The following ABR variants were observed in gnomAD, a reference collection of about 807,000 sequenced individuals.
ABR encodes active breakpoint cluster region-related protein.
A neutral mutation model predicts 107.2 loss-of-function variants in ABR; 35 were observed. That is an observed-to-expected ratio of 0.33 (90% confidence interval 0.25 to 0.43). The LOEUF is 0.43. ABR is among the 20% of genes least tolerant of loss of function. The probability of loss-of-function intolerance (pLI) is 1.00; values close to 1 mark genes in which losing one functional copy is unlikely to be tolerated. For missense variants in ABR, 815 were observed against 1,115.2 expected, an observed-to-expected ratio of 0.73 and a Z score of 3.83; for synonymous variants, 498 against 462.0, an observed-to-expected ratio of 1.08 and a Z score of -1.00.
At chr17:1,022,457 G>T (rs922541342) in intron 16 of ABR, 2 of 153,536 alleles carry the variant, frequency 1.3e-5, no homozygotes, top group Middle Eastern at 9.7e-4. Context: ...GGCAACGGGG[G>T]AGACGGGAGT....
At chr17:1,169,223 G>A (rs1309829248) in intron 1 of ABR, among the ~76,000 whole-genome samples, 1 of 152,210 alleles carries the variant, frequency 6.6e-6, no homozygotes, top group African/African-American at 2.4e-5. Flanking sequence ...AGAAGACCTG[G>A]TGCGTCCCCC....
rs980285723 is a variant in ABR, at chr17:1,084,125, G to A, written c.532-498C>T. 7.9e-5 allele frequency among the ~76,000 whole-genome samples: 12 copies of A among 152,192 alleles called. No individual in the cohort carries two copies. The highest frequency in any genetic ancestry group is 1.3e-4 in the Non-Finnish European group (9 of 68,020). On this transcript the variant is annotated intron_variant, in intron 4 of 22. Coordinates refer to ENST00000302538, the MANE Select transcript of ABR (RefSeq NM_021962.5). The surrounding 1 kb of genome is among the most constrained non-coding windows in gnomAD (Gnocchi z 4.2). ...AGGTGCTGTCTTGGCCGGGCGTGGC[G>A]GCTCACGCCTGTAACCCCAGCACTT...
At chr17:1,049,987 C>T in intron 16 of ABR, 63 bp downstream of exon 16, 1 of 1,558,438 alleles carries the variant, frequency 6.4e-7, no homozygotes, top group South Asian at 1.2e-5. Context: ...GACCAGAATT[C>T]CTTTTCAACT....
At chr17:1,098,758 G>C (rs1230409463) in intron 3 of ABR, among the ~76,000 whole-genome samples, 2 of 152,148 alleles carry the variant, frequency 1.3e-5, no homozygotes, top group Admixed American at 6.6e-5. Context: ...TAAACTCCTG[G>C]AGAGATGGGA....
At chr17:1,216,892 G>T (rs1364421103) in intron 1 of ABR, among the ~76,000 whole-genome samples, 1 of 152,162 alleles carries the variant, frequency 6.6e-6, no homozygotes, top group Non-Finnish European at 1.5e-5. Flanking sequence ...AAGCCACTCT[G>T]TGCCCTCTGA....
chr17:1,033,668 C>T (rs894028618), intron 16 of ABR, among the ~76,000 whole-genome samples: 13 of 152,324 alleles, frequency 8.5e-5, no homozygotes, highest in African/African-American at 2.6e-4. Context: ...CTGGCTCACA[C>T]GTCACACGCA....
chr17:1,012,356 G>A (rs1181543094), intron 18 of ABR: 8 of 646,948 alleles, frequency 1.2e-5, no homozygotes, highest in Admixed American at 6.2e-5. Flanking sequence ...CGGGGGACAC[G>A]TGCCCTTTCC....
At position 1,092,565 on chromosome 17, in the gene ABR, C is replaced by A. The variant is rs2037105927; in HGVS notation, c.346-715G>T. On this transcript the variant is annotated intron_variant, in intron 3 of 22. Transcript: ENST00000302538. The surrounding 1 kb of genome is among the most constrained non-coding windows in gnomAD (Gnocchi z 4.6). ...GGTGGCAGATAACACAGACCAACCC[C>A]CAGCACTGGCCGGGAGCTGATGCCA... Among the ~76,000 whole-genome samples, 1 of 152,180 alleles carries A rather than the reference C, an allele frequency of 6.6e-6. No individual in the cohort carries two copies. Among genetic ancestry groups the A allele is most frequent in the African/African-American group, 2.4e-5 (1 of 41,444 alleles).
intron 5 of ABR, among the ~76,000 whole-genome samples, chr17:1,082,511 C>A (rs1482851731): frequency 6.7e-6 from 1 of 149,084 alleles, no homozygotes; most frequent in Non-Finnish European, 1.5e-5. Flanking sequence ...CAGAAGCACG[C>A]GTGTTCCTGG....
intron 16 of ABR, among the ~76,000 whole-genome samples, chr17:1,020,029 G>A (rs2586249): frequency 0.054 from 8,196 of 152,306 alleles, 657 homozygotes; most frequent in African/African-American, 0.18. Context: ...ACGAACGACT[G>A]GGCCAGGGGT....
chr17:1,010,227 A>T lies in ABR; in HGVS notation c.2237-443T>A. On this transcript the variant is annotated intron_variant, in intron 20 of 22. Transcript: ENST00000302538. The surrounding 1 kb of genome is among the most constrained non-coding windows in gnomAD (Gnocchi z 4.1). ...AAGCTCCAGTCTGCCCCAGGAGCAG[A>T]GAAGGCTGAAGGGATTCCTTGGGGC... 1 of 236,706 alleles carries T rather than the reference A, an allele frequency of 4.2e-6. No individual in the cohort carries two copies. The highest frequency in any genetic ancestry group is 8.4e-6 in the Non-Finnish European group (1 of 118,986). The allele number at this position is 236,706 out of a possible 1,614,324, so 14.7% of individuals were successfully genotyped here.
intron 1 of ABR, among the ~76,000 whole-genome samples, chr17:1,212,082 C>A (rs575341169): frequency 1.6e-4 from 2 of 12,160 alleles, no homozygotes; most frequent in East Asian, 0.018. Flanking sequence ...GACCCCATCT[C>A]GAAAAAAAAA....
intron 2 of ABR, among the ~76,000 whole-genome samples, chr17:1,123,418 T>C (rs2039438982): frequency 1.3e-5 from 2 of 152,182 alleles, no homozygotes; most frequent in Admixed American, 6.5e-5. Context: ...AGTCAAGTTC[T>C]GCCCCGAAGC....
chr17:1,171,944 AAG>A (rs2041729152), intron 1 of ABR, among the ~76,000 whole-genome samples: 1 of 152,132 alleles, frequency 6.6e-6, no homozygotes, highest in African/African-American at 2.4e-5. Flanking sequence ...AAAATGAAGA[AAG>A]AGGGGAGTGG....
chr17:1,038,980 C>T (rs1454840436), intron 16 of ABR, among the ~76,000 whole-genome samples: 2 of 152,208 alleles, frequency 1.3e-5, no homozygotes, highest in African/African-American at 2.4e-5. Context: ...TCGGCGAGTT[C>T]GCTGAATGCC....
chr17:1,031,624 C>T (rs1281234455), intron 16 of ABR: 20 of 1,246,864 alleles, frequency 1.6e-5, no homozygotes, highest in South Asian at 6.2e-5. Context: ...TTGTTGCGCA[C>T]GCGGCCCCAG....
intron 16 of ABR, among the ~76,000 whole-genome samples, chr17:1,020,523 G>A (rs972024503): frequency 6.6e-6 from 1 of 152,230 alleles, no homozygotes; most frequent in African/African-American, 2.4e-5. Flanking sequence ...CCAGCAGGCA[G>A]GGGCACCGGG....
At chr17:1,226,507 GT>G (rs2043218672) in intron 1 of ABR, among the ~76,000 whole-genome samples, 1 of 150,838 alleles carries the variant, frequency 6.6e-6, no homozygotes. Context: ...AGGTGTGCAT[GT>G]GTGTGCATGC....
chr17:1,223,429 T>G (rs2043156208), intron 1 of ABR, among the ~76,000 whole-genome samples: 1 of 152,002 alleles, frequency 6.6e-6, no homozygotes, highest in South Asian at 2.1e-4. Flanking sequence ...GAGAGGGAAG[T>G]ACTAATATTT....
Sources: allele counts gnomAD v4.1 joint callset (sites outside exome capture counted in the v4.1 genomes callset), GRCh38; gene constraint gnomAD v4.1.1; non-coding constraint Gnocchi (gnomAD v3.1); transcripts MANE v1.5; gene names NCBI Gene and HGNC (gene_info 2026-07-23, HGNC 2026-07-21).